The following PHF24 variants were observed in gnomAD, a reference collection of about 807,000 sequenced individuals.
The protein encoded by PHF24 is PHD finger protein 24.
A neutral mutation model predicts 42.6 loss-of-function variants in PHF24; 25 were observed. The observed-to-expected ratio is 0.59, with a 90% CI of 0.43 to 0.82. The LOEUF is 0.82. PHF24 is among the 40% of genes least tolerant of loss of function. The pLI is 0.00. For missense variants in PHF24, 470 were observed against 538.1 expected (o/e 0.87, Z 1.25); for synonymous variants, 185 against 204.8 (o/e 0.90, Z 0.83).
the PHF24 span, among the ~76,000 whole-genome samples, chr9:34,782,382 A>G: frequency 6.6e-6 from 1 of 152,138 alleles, no homozygotes. Flanking sequence ...AGTTCACTCC[A>G]TCCACAGCTC....
At chr9:34,940,841 C>G in the PHF24 span, among the ~76,000 whole-genome samples, 1 of 152,166 alleles carries the variant, frequency 6.6e-6, no homozygotes, top group African/African-American at 2.4e-5. Flanking sequence ...TAAAAGCAGC[C>G]TTTCCTCCTT....
the PHF24 span, among the ~76,000 whole-genome samples, chr9:34,713,440 G>A: frequency 6.6e-6 from 1 of 152,240 alleles, no homozygotes; most frequent in South Asian, 2.1e-4. Flanking sequence ...TTGGTTGGTA[G>A]CTAGTGCATG....
chr9:34,862,742 CCTT>C, the PHF24 span, among the ~76,000 whole-genome samples: 1 of 151,632 alleles, frequency 6.6e-6, no homozygotes, highest in Non-Finnish European at 1.5e-5. Flanking sequence ...GGGGAAAGTG[CCTT>C]CTGCTTGAGA....
the PHF24 span, chr9:34,709,945 A>G: frequency 1.2e-6 from 2 of 1,614,092 alleles, no homozygotes; most frequent in Non-Finnish European, 1.7e-6. Context: ...GCAAGCTCCT[A>G]TCCAGGCCTC....
chr9:34,965,726 A>AT (rs1826745519), intron 1 of PHF24, among the ~76,000 whole-genome samples: 1 of 152,210 alleles, frequency 6.6e-6, no homozygotes, highest in African/African-American at 2.4e-5. Flanking sequence ...TCTGTGATTA[A>AT]TTTGATGATT....
chr9:34,677,403 T>G, the PHF24 span, among the ~76,000 whole-genome samples: 3 of 141,028 alleles, frequency 2.1e-5, no homozygotes, highest in African/African-American at 5.4e-5. Flanking sequence ...TTTTTTTTTT[T>G]TTTTTTTTTT....
chr9:34,762,837 C>A, the PHF24 span, among the ~76,000 whole-genome samples: 7 of 152,262 alleles, frequency 4.6e-5, no homozygotes, highest in Admixed American at 6.5e-5. Flanking sequence ...TTAGGTCTAA[C>A]GTTTAAGTCT....
At chr9:34,745,700 A>G in the PHF24 span, among the ~76,000 whole-genome samples, 1 of 148,486 alleles carries the variant, frequency 6.7e-6, no homozygotes, top group Non-Finnish European at 1.5e-5. Context: ...GGAAAAATAT[A>G]CCCACAACTT....
the PHF24 span, among the ~76,000 whole-genome samples, chr9:34,877,280 C>CAAAAAAAA: frequency 8.7e-6 from 1 of 114,388 alleles, no homozygotes. Context: ...GACTCTGTCT[C>CAAAAAAAA]AAAAAAAAAA....
At chr9:34,802,852 T>G in the PHF24 span, among the ~76,000 whole-genome samples, 2 of 152,198 alleles carry the variant, frequency 1.3e-5, no homozygotes, top group Non-Finnish European at 1.5e-5. Context: ...TCGGGGTGTT[T>G]CACTTTGACC....
At chr9:34,731,940 T>A in the PHF24 span, among the ~76,000 whole-genome samples, 1 of 151,976 alleles carries the variant, frequency 6.6e-6, no homozygotes, top group African/African-American at 2.4e-5. Flanking sequence ...AGCCTCAACC[T>A]CCTGGACTCA....
At chr9:34,802,493 A>G in the PHF24 span, among the ~76,000 whole-genome samples, 1 of 152,054 alleles carries the variant, frequency 6.6e-6, no homozygotes, top group Non-Finnish European at 1.5e-5. Flanking sequence ...ACTTCCACCC[A>G]TTATGTTTCT....
the PHF24 span, among the ~76,000 whole-genome samples, chr9:34,924,671 G>C: frequency 6.6e-6 from 1 of 152,086 alleles, no homozygotes; most frequent in Non-Finnish European, 1.5e-5. Context: ...TGTCTTTATA[G>C]GTGAAGTGTG....
At chr9:34,726,433 G>A in the PHF24 span, 1 of 1,551,106 alleles carries the variant, frequency 6.4e-7, no homozygotes, top group Non-Finnish European at 8.7e-7. Flanking sequence ...GATGCATCCG[G>A]TTCAGGGTTT....
At chr9:34,897,114 C>G in the PHF24 span, among the ~76,000 whole-genome samples, 2 of 152,190 alleles carry the variant, frequency 1.3e-5, no homozygotes, top group Non-Finnish European at 2.9e-5. Context: ...CGAGATCACA[C>G]CACTGCACTC....
chr9:34,797,512 G>C, the PHF24 span, among the ~76,000 whole-genome samples: 1 of 152,128 alleles, frequency 6.6e-6, no homozygotes. Flanking sequence ...GAGTCGGGCA[G>C]CTCAGTGGCC....
At chr9:34,695,586 C>T in the PHF24 span, among the ~76,000 whole-genome samples, 29 of 152,252 alleles carry the variant, frequency 1.9e-4, no homozygotes, top group Non-Finnish European at 3.8e-4. Flanking sequence ...AGTAGGGGGG[C>T]AGTCTTGTGG....
At chr9:34,890,550 T>G in the PHF24 span, among the ~76,000 whole-genome samples, 1 of 152,200 alleles carries the variant, frequency 6.6e-6, no homozygotes, top group Non-Finnish European at 1.5e-5. Flanking sequence ...CTGTCTTTAG[T>G]TCAACGGCAA....
chr9:34,863,089 G>T, the PHF24 span, among the ~76,000 whole-genome samples: 3 of 152,092 alleles, frequency 2.0e-5, no homozygotes, highest in Admixed American at 6.5e-5. Context: ...TGTGGTTTGG[G>T]TGCCTGCTCA....
Sources: gnomAD v4.1 joint callset for allele counts (sites outside exome capture counted in the v4.1 genomes callset) on GRCh38, gnomAD v4.1.1 for gene constraint, MANE v1.5 for transcripts, NCBI Gene and HGNC (gene_info 2026-07-23, HGNC 2026-07-21) for gene names.